The following MAP3K5 variants were observed in gnomAD, a reference collection of about 807,000 sequenced individuals.
MAP3K5 encodes mitogen-activated protein kinase kinase kinase 5, also known as ASK-1.
Under a neutral mutation model 158.7 loss-of-function variants are expected in MAP3K5, and 56 were observed. That is an observed-to-expected ratio of 0.35 (90% confidence interval 0.28 to 0.44). The LOEUF (loss-of-function observed/expected upper bound fraction) is 0.44. Among genes scored for constraint, MAP3K5 ranks in the 20% least tolerant of loss-of-function variants. MAP3K5 has a pLI of 1.00. For synonymous variants in MAP3K5, 579 were observed against 601.7 expected (o/e 0.96, Z 0.55); for missense variants, 1,294 against 1,674.8 (o/e 0.77, Z 3.97).
intron 2 of MAP3K5, among the ~76,000 whole-genome samples, chr6:136,706,206 C>T (rs1781069429): frequency 1.3e-5 from 2 of 151,904 alleles, no homozygotes; most frequent in South Asian, 2.1e-4. Flanking sequence ...GCGGAGGCTG[C>T]GGCGAGCTGA....
chr6:136,603,652 C>T (rs1331118378), intron 19 of MAP3K5, among the ~76,000 whole-genome samples: 5 of 152,144 alleles, frequency 3.3e-5, no homozygotes, highest in Admixed American at 6.5e-5. Context: ...ACTTCCTGTG[C>T]ACAGCTTAGA....
intron 1 of MAP3K5, among the ~76,000 whole-genome samples, chr6:136,752,231 T>TA (rs1173348074): frequency 3.3e-5 from 5 of 152,260 alleles, no homozygotes; most frequent in African/African-American, 1.2e-4. Flanking sequence ...CTTAGGGACT[T>TA]ACAGTTAGTG....
At chr6:136,708,687 G>A (rs887607431) in intron 2 of MAP3K5, among the ~76,000 whole-genome samples, 1 of 152,168 alleles carries the variant, frequency 6.6e-6, no homozygotes, top group Non-Finnish European at 1.5e-5. Flanking sequence ...GCATTGTAGA[G>A]GAAGGTTGAA....
In MAP3K5 at chr6:136,761,288, T is replaced by TAAAA. The variant is rs368661488; in HGVS notation, c.448+30418_448+30421dup. Among the ~76,000 whole-genome samples, 49 of 118,410 alleles carry TAAAA rather than the reference T, an allele frequency of 4.1e-4. 2 individuals carry two copies. Among genetic ancestry groups the TAAAA allele is most frequent in the African/African-American group, 1.0e-3 (31 of 30,548 alleles). 77.7% of individuals were successfully genotyped at this position (118,410 alleles called of 152,430 possible). A position where few individuals can be genotyped will look rare whatever the true frequency, so the allele number is the denominator to read the frequency against. On this transcript the variant is annotated intron_variant, in intron 1 of 29. Coordinates refer to ENST00000359015, the MANE Select transcript of MAP3K5 (RefSeq NM_005923.4). ...GAATAAAGAAAATAGACCCTAACTT[T>TAAAA]AAAAAAAAAAAAAAAAAAACGAACA...
rs181833705 is a variant in MAP3K5 at position 136,676,223 on chromosome 6, C to G, written c.1254-6828G>C. Among the ~76,000 whole-genome samples, 53 of 152,306 alleles carry G rather than the reference C, an allele frequency of 3.5e-4. No homozygotes were observed. The East Asian group carries it at 9.4e-3, about 27-fold the overall frequency. On this transcript the variant is annotated intron_variant, in intron 7 of 29. Transcript: ENST00000359015. ...ACTTGAATCATCAGAATACCTGACA[C>G]GCTGCAGGTGATTATGAAATACTTG...
At chr6:136,602,286 A>C (rs1775911321) in intron 19 of MAP3K5, among the ~76,000 whole-genome samples, 1 of 151,912 alleles carries the variant, frequency 6.6e-6, no homozygotes, top group African/African-American at 2.4e-5. Flanking sequence ...CACAAAAAGG[A>C]TCTTTATTTT....
intron 15 of MAP3K5, among the ~76,000 whole-genome samples, chr6:136,616,747 G>A (rs1295467781): frequency 6.6e-6 from 1 of 151,726 alleles, no homozygotes; most frequent in East Asian, 1.9e-4. Context: ...ATGATGATTT[G>A]AGACAGGGTC....
At chr6:136,623,782 C>T (rs575800351) in intron 14 of MAP3K5, among the ~76,000 whole-genome samples, 83 of 152,304 alleles carry the variant, frequency 5.4e-4, no homozygotes, top group South Asian at 8.3e-4. Context: ...AAACTACAGA[C>T]CCCTGGGAGA....
chr6:136,633,592 G>A (rs1335722952), intron 14 of MAP3K5, among the ~76,000 whole-genome samples: 1 of 152,108 alleles, frequency 6.6e-6, no homozygotes, highest in East Asian at 1.9e-4. Context: ...GATCCAGCTT[G>A]AATCAGAAGG....
intron 1 of MAP3K5, among the ~76,000 whole-genome samples, chr6:136,752,036 C>T (rs1180464774): frequency 6.6e-6 from 1 of 152,128 alleles, no homozygotes; most frequent in African/African-American, 2.4e-5. Context: ...CAGTGTGCTT[C>T]AGAGTTCAAA....
At chr6:136,771,262 T>A (rs1784189047) in intron 1 of MAP3K5, among the ~76,000 whole-genome samples, 1 of 152,170 alleles carries the variant, frequency 6.6e-6, no homozygotes, top group South Asian at 2.1e-4. Flanking sequence ...CTTACTACAC[T>A]AATCTCATTA....
At chr6:136,604,620 T>G (rs551961768) in intron 19 of MAP3K5, among the ~76,000 whole-genome samples, 9 of 152,158 alleles carry the variant, frequency 5.9e-5, no homozygotes, top group African/African-American at 9.7e-5. Flanking sequence ...TGTGCTCTCA[T>G]GAGCCTATTT....
intron 1 of MAP3K5, among the ~76,000 whole-genome samples, chr6:136,761,254 C>T (rs1040895228): frequency 2.3e-4 from 32 of 140,126 alleles, no homozygotes; most frequent in African/African-American, 3.8e-4. Flanking sequence ...GTGAGCACTA[C>T]GGGCACAAGA....
intron 1 of MAP3K5, among the ~76,000 whole-genome samples, chr6:136,771,936 T>C (rs1282039758): frequency 3.3e-5 from 5 of 152,186 alleles, no homozygotes; most frequent in Non-Finnish European, 1.5e-5. Context: ...TTTTTATTTT[T>C]TGAGACACAG....
At chr6:136,659,501 T>G (rs780939768) in intron 8 of MAP3K5, 123 bp from the exon 9 acceptor site, 19 of 886,302 alleles carry the variant, frequency 2.1e-5, no homozygotes, top group Non-Finnish European at 2.8e-5. Context: ...TTTGTTAAGT[T>G]TCTGATTATT....
At chr6:136,614,415 C>A (rs2129092038) in intron 15 of MAP3K5, 129 bp from the exon 16 acceptor site, 1 of 958,104 alleles carries the variant, frequency 1.0e-6, no homozygotes, top group Non-Finnish European at 1.5e-6. Flanking sequence ...CCACTTAAGG[C>A]CTTTATTTCT....
chr6:136,584,340 T>C (rs1295756517), intron 23 of MAP3K5: 1 of 152,482 alleles, frequency 6.6e-6, no homozygotes, highest in East Asian at 1.9e-4. Context: ...GTTTTCACAC[T>C]GCTGAAAACA....
chr6:136,730,278 G>A (rs530808419), intron 1 of MAP3K5, among the ~76,000 whole-genome samples: 2 of 151,660 alleles, frequency 1.3e-5, no homozygotes, highest in Admixed American at 1.3e-4. Context: ...GATAACAGGT[G>A]TGAGCCACCA....
intron 8 of MAP3K5, among the ~76,000 whole-genome samples, chr6:136,663,953 T>A (rs902363813): frequency 1.3e-5 from 2 of 152,064 alleles, no homozygotes; most frequent in Non-Finnish European, 2.9e-5. Flanking sequence ...ACATTTTTTT[T>A]ATGACCCTGA....
Sources: allele counts gnomAD v4.1 joint callset (sites outside exome capture counted in the v4.1 genomes callset), GRCh38; gene constraint gnomAD v4.1.1; transcripts MANE v1.5; gene names NCBI Gene and HGNC (gene_info 2026-07-23, HGNC 2026-07-21).